XYLB: variants seen among roughly 807,000 people sequenced by gnomAD.
XYLB encodes xylulokinase.
XYLB carries 62 observed loss-of-function variants against 78.7 expected under a neutral mutation model. The ratio of observed to expected loss-of-function variants is 0.79; its 90% CI spans 0.64 to 0.97. The LOEUF (loss-of-function observed/expected upper bound fraction) is 0.97, where lower values mean the gene tolerates loss of function less well. Among genes scored for constraint, XYLB ranks in the 50% least tolerant of loss-of-function variants. The pLI, the probability that XYLB is intolerant of heterozygous loss-of-function variation, is 0.00. For missense variants in XYLB, 687 were observed against 676.8 expected (o/e 1.02, Z -0.17); for synonymous variants, 245 against 247.4 (o/e 0.99, Z 0.09).
At chr3:38,376,889 C>T (rs187377270) in intron 13 of XYLB, 29 bp from the exon 14 acceptor site, 178 of 1,592,030 alleles carry the variant, frequency 1.1e-4, no homozygotes, top group East Asian at 1.6e-4. Flanking sequence ...TGACTAATGA[C>T]GGCTGATCTC....
In XYLB at chr3:38,405,628, A is replaced by G. The variant is rs993835364; in HGVS notation, c.1533+4643A>G. 1.3e-5 allele frequency among the ~76,000 whole-genome samples: 2 copies of G among 152,182 alleles called. 1 individual carries two copies. The highest frequency in any genetic ancestry group is 2.9e-5 in the Non-Finnish European group (2 of 68,036). On this transcript the variant is annotated intron_variant, in intron 18 of 18. Coordinates refer to ENST00000207870, the MANE Select transcript of XYLB (RefSeq NM_005108.4). ...AAGGGGTCAGGGAGTTCCCTTTCCT[A>G]GTCAAAGAAAGGGGTGACAGATGGC...
At chr3:38,422,558 T>C (rs1159100981), downstream of XYLB, among the ~76,000 whole-genome samples, 1 of 152,204 alleles carries the variant, frequency 6.6e-6, no homozygotes, top group Non-Finnish European at 1.5e-5. Context: ...ATCCGCTCAA[T>C]TTAACATAGT....
At chr3:38,388,464 TCAAAA>T (rs1363601527) in intron 15 of XYLB, among the ~76,000 whole-genome samples, 3 of 152,180 alleles carry the variant, frequency 2.0e-5, no homozygotes, top group African/African-American at 7.2e-5. Context: ...TATACATATT[TCAAAA>T]CATGTTGTAT....
At chr3:38,354,105 G>A (rs1461808290) in intron 2 of XYLB, among the ~76,000 whole-genome samples, 2 of 151,538 alleles carry the variant, frequency 1.3e-5, no homozygotes, top group Non-Finnish European at 1.5e-5. Flanking sequence ...TTGGAGTCTC[G>A]CTCTGTCGCC....
At chr3:38,444,576 T>C in the XYLB span, among the ~76,000 whole-genome samples, 1 of 152,152 alleles carries the variant, frequency 6.6e-6, no homozygotes, top group Non-Finnish European at 1.5e-5. Context: ...AGGATAGTAT[T>C]GTAATTTACA....
intron 2 of XYLB, chr3:38,357,035 T>C (rs751567290): frequency 7.9e-5 from 12 of 152,228 alleles, no homozygotes; most frequent in Non-Finnish European, 1.5e-4. Context: ...AAAGGCCTTG[T>C]GAGAAGGCGG....
intron 1 of XYLB, among the ~76,000 whole-genome samples, chr3:38,348,101 C>G (rs1298266507): frequency 6.6e-6 from 1 of 152,200 alleles, no homozygotes; most frequent in Non-Finnish European, 1.5e-5. Flanking sequence ...GTCTCTGGAC[C>G]ACAATCATGG....
chr3:38,440,261 T>C, the XYLB span, among the ~76,000 whole-genome samples: 1 of 152,188 alleles, frequency 6.6e-6, no homozygotes, highest in Non-Finnish European at 1.5e-5. Flanking sequence ...CCTTGTAAGT[T>C]TGGGATTTCA....
chr3:38,375,184 A>G lies in XYLB; in HGVS notation c.929A>G (p.Gln310Arg), dbSNP rs200104408. The change falls in exon 12 of 19, where the codon CAA becomes CGA. Residue 310 changes from glutamine to arginine, a missense_variant. Coordinates refer to ENST00000207870, the MANE Select transcript of XYLB (RefSeq NM_005108.4). ...AGTGACACCCTGTTTCTCTGGCTCC[A>G]AGAGCCCATGCCTGCCCTGGAAGGC... Reference protein sequence around the residue: ...GTSDTLFLWLQEPMPALEGHI... With the variant: ...GTSDTLFLWLREPMPALEGHI... The G allele has an allele frequency of 4.0e-5, 65 of 1,614,038 alleles. 1 individual carries two copies. In the Admixed American group the frequency reaches 8.7e-4, roughly 22 times the overall value.
At chr3:38,442,962 C>T in the XYLB span, among the ~76,000 whole-genome samples, 62,591 of 151,910 alleles carry the variant, frequency 0.41, 15,593 homozygotes, top group Non-Finnish European at 0.57. Flanking sequence ...GTAACTTGTT[C>T]CCCATATTCA....
the XYLB span, among the ~76,000 whole-genome samples, chr3:38,432,829 C>T: frequency 6.6e-6 from 1 of 152,260 alleles, no homozygotes; most frequent in African/African-American, 2.4e-5. Context: ...CAGCCCCACT[C>T]TTGGCTTTCA....
At chr3:38,417,472 C>T (rs529564156), downstream of XYLB, among the ~76,000 whole-genome samples, 2 of 152,244 alleles carry the variant, frequency 1.3e-5, no homozygotes, top group South Asian at 4.2e-4. Context: ...ATAAAACCCA[C>T]AGTACATTTT....
intron 1 of XYLB, among the ~76,000 whole-genome samples, chr3:38,347,728 C>T (rs1340170940): frequency 2.0e-5 from 3 of 152,192 alleles, no homozygotes; most frequent in Admixed American, 6.5e-5. Context: ...GGACTTTACC[C>T]TGTGACCGCC....
chr3:38,406,219 C>T (rs886913877), intron 18 of XYLB, among the ~76,000 whole-genome samples: 15 of 152,340 alleles, frequency 9.8e-5, no homozygotes, highest in Non-Finnish European at 5.9e-5. Flanking sequence ...CAGCAGCATT[C>T]GTGGTTCACG....
intron 17 of XYLB, 63 bp downstream of exon 17, chr3:38,397,222 G>A: frequency 6.8e-7 from 1 of 1,467,154 alleles, no homozygotes; most frequent in East Asian, 2.3e-5. Flanking sequence ...GGGCTGAGGA[G>A]GGTGGAAAGG....
Position 38,360,419 on chromosome 3 carries a change from G to A in XYLB, c.210+11G>A, listed in dbSNP as rs1324101823. ...CTAATGTGGGTCCAGGTAAGCGCAG[G>A]GATTCCTATTCTCCTTCTATCCCCA... is the stretch of plus-strand genomic sequence containing the variant. On this transcript the variant is annotated intron_variant, in intron 3 of 18. Coordinates refer to ENST00000207870, the MANE Select transcript of XYLB (RefSeq NM_005108.4). 2.5e-6 allele frequency: 4 copies of A among 1,579,030 alleles called. No individual in the cohort carries two copies. Among genetic ancestry groups the A allele is most frequent in the Non-Finnish European group, 3.4e-6 (4 of 1,161,868 alleles).
At chr3:38,428,383 A>G in the XYLB span, among the ~76,000 whole-genome samples, 4 of 152,198 alleles carry the variant, frequency 2.6e-5, no homozygotes, top group African/African-American at 9.7e-5. Flanking sequence ...CCAATTTTCT[A>G]TATACTTGTT....
intron 15 of XYLB, among the ~76,000 whole-genome samples, chr3:38,393,750 C>A (rs1054158876): frequency 6.6e-6 from 1 of 152,138 alleles, no homozygotes; most frequent in Admixed American, 6.5e-5. Context: ...TCTTCATTTT[C>A]TCTTCTCATA....
intron 17 of XYLB, among the ~76,000 whole-genome samples, chr3:38,400,568 C>G (rs1365495571): frequency 6.6e-6 from 1 of 152,146 alleles, no homozygotes; most frequent in East Asian, 1.9e-4. Flanking sequence ...CCTTCCCCAT[C>G]ATATGTCGAG....
Sources: allele counts gnomAD v4.1 joint callset (sites outside exome capture counted in the v4.1 genomes callset), GRCh38; gene constraint gnomAD v4.1.1; transcripts MANE v1.5; gene names NCBI Gene and HGNC (gene_info 2026-07-23, HGNC 2026-07-21).